The following CLCN7 variants were observed in gnomAD, a reference collection of about 807,000 sequenced individuals.
CLCN7 encodes H(+)/Cl(-) exchange transporter 7.
In CLCN7, 60 loss-of-function variants were observed where a neutral mutation model predicts 102.1. That is an observed-to-expected ratio of 0.59 (90% CI 0.48 to 0.73). The LOEUF (loss-of-function observed/expected upper bound fraction) is 0.73. Among genes scored for constraint, CLCN7 ranks in the 30% least tolerant of loss-of-function variants. The pLI is 0.00. For missense variants in CLCN7, 962 were observed against 1,125.7 expected, an observed-to-expected ratio of 0.85 and a Z score of 2.08; for synonymous variants, 560 against 490.5, an observed-to-expected ratio of 1.14 and a Z score of -1.87.
At chr16:1,453,607 C>T (rs544948418) in intron 14 of CLCN7, among the ~76,000 whole-genome samples, 1 of 152,340 alleles carries the variant, frequency 6.6e-6, no homozygotes, top group South Asian at 2.1e-4. Context: ...AGGGGCCGTC[C>T]TCCAGGAGCC....
At position 1,452,810 on chromosome 16, in the gene CLCN7, T is replaced by C; in HGVS notation, c.1298A>G (p.Tyr433Cys). The change falls in exon 15 of 25, where the codon TAC (tyrosine) becomes TGC (cysteine). Residue 433 changes from tyrosine (Y) to cysteine (C), a missense_variant. Tyr to Cys is a radical substitution (Grantham distance 194). Coordinates refer to ENST00000382745, the MANE Select transcript of CLCN7 (RefSeq NM_001287.6). Reference protein sequence around the residue: ...VTATVAFVLIYSSRDCQPLQG... With the variant: ...VTATVAFVLICSSRDCQPLQG... Reference sequence around the variant, plus strand: ...CAGGGGCTGGCAATCCCGCGACGAGTAGATCAGCACGAAGGCAACTGTGGC... The same window carrying C: ...CAGGGGCTGGCAATCCCGCGACGAGCAGATCAGCACGAAGGCAACTGTGGC... 6.2e-7 allele frequency: 1 copy of C among 1,605,272 alleles called. No homozygotes were observed. The highest frequency in any genetic ancestry group is 8.5e-7 in the Non-Finnish European group (1 of 1,176,544).
chr16:1,450,550 C>A lies in CLCN7; in HGVS notation c.1564G>T (p.Ala522Ser). The A allele has an allele frequency of 1.2e-6, 2 of 1,611,484 alleles. No individual in the cohort carries two copies. Among genetic ancestry groups the A allele is most frequent in the Non-Finnish European group, 1.7e-6 (2 of 1,179,440 alleles). ...ATCCCAAAGAGCCGGCCCCAGGCAG[C>A]CCCGATGAGCAGGGACGGGATGAAG... ...GVFIPSLLIG[A>S]AWGRLFGISL... The change falls in exon 17 of 25, where the codon GCT becomes TCT. Residue 522 changes from alanine to serine, a missense_variant. Transcript: ENST00000382745.
chr16:1,453,688 G>A (rs904402256), intron 14 of CLCN7, 146 bp downstream of exon 14: 33 of 804,362 alleles, frequency 4.1e-5, no homozygotes, highest in Admixed American at 2.4e-4. Context: ...CAGCTCCACC[G>A]GGGAAACCAT....
intron 12 of CLCN7, among the ~76,000 whole-genome samples, chr16:1,454,802 C>T (rs1158600300): frequency 6.6e-6 from 1 of 152,216 alleles, no homozygotes; most frequent in Non-Finnish European, 1.5e-5. Context: ...GTCTCCCCAG[C>T]CCAGGCCCCA....
At position 1,453,899 on chromosome 16, in the gene CLCN7, G is replaced by A. The variant is rs367726331; in HGVS notation, c.1154-5C>T. On this transcript the variant is annotated splice_region_variant and splice_polypyrimidine_tract_variant and intron_variant, in intron 13 of 24. Transcript: ENST00000382745. ...ACACTGCTCCAAGCACACCGCCTGC[G>A]AACAGGGGAAAGGCCAGTCAGCGAC... The A allele has an allele frequency of 2.3e-5, 37 of 1,612,928 alleles. No individual in the cohort carries two copies. Among genetic ancestry groups the A allele is most frequent in the African/African-American group, 1.2e-4 (9 of 74,936 alleles).
chr16:1,473,416 C>T (rs2039105641), intron 1 of CLCN7, among the ~76,000 whole-genome samples: 1 of 143,204 alleles, frequency 7.0e-6, no homozygotes, highest in Non-Finnish European at 1.5e-5. Flanking sequence ...TCGCTCTGCC[C>T]AGGCTGGAGT....
chr16:1,453,157 G>A (rs899869255), intron 14 of CLCN7, among the ~76,000 whole-genome samples: 1 of 152,098 alleles, frequency 6.6e-6, no homozygotes, highest in African/African-American at 2.4e-5. Context: ...ACAGGCGCCC[G>A]GCTCTACATC....
chr16:1,455,350 C>T, intron 11 of CLCN7, 100 bp from the exon 12 acceptor site: 1 of 857,942 alleles, frequency 1.2e-6, no homozygotes. Context: ...AGCCCCGGGG[C>T]CAGGAGTCTG....
At chr16:1,474,627 G>C (rs991025742) in intron 1 of CLCN7, among the ~76,000 whole-genome samples, 1 of 152,080 alleles carries the variant, frequency 6.6e-6, no homozygotes, top group Non-Finnish European at 1.5e-5. Flanking sequence ...CGGCCACCGA[G>C]CCCGGCGCGG....
At chr16:1,454,768 G>C (rs2038807781) in intron 12 of CLCN7, among the ~76,000 whole-genome samples, 1 of 152,196 alleles carries the variant, frequency 6.6e-6, no homozygotes. Flanking sequence ...TGCGCACAGA[G>C]CCGCCCTATC....
intron 17 of CLCN7, chr16:1,449,671 C>G: frequency 2.8e-6 from 1 of 356,386 alleles, no homozygotes; most frequent in Non-Finnish European, 5.2e-6. Flanking sequence ...CCGGGAACAT[C>G]AGGCTGGGCC....
At chr16:1,448,605 A>C (rs1255704224) in intron 20 of CLCN7, 76 bp downstream of exon 20, 8 of 1,602,438 alleles carry the variant, frequency 5.0e-6, no homozygotes, top group African/African-American at 1.3e-5. Context: ...GGAGCCCGCA[A>C]GCCGTGCACC....
At chr16:1,468,619 AG>A (rs2039036122) in intron 1 of CLCN7, among the ~76,000 whole-genome samples, 3 of 152,204 alleles carry the variant, frequency 2.0e-5, no homozygotes, top group Admixed American at 2.0e-4. Flanking sequence ...AGACAGGCTC[AG>A]GAACACGTGA....
intron 1 of CLCN7, chr16:1,474,448 A>G (rs941454760): frequency 3.8e-5 from 13 of 341,124 alleles, no homozygotes; most frequent in Non-Finnish European, 6.8e-5. Flanking sequence ...TTGCTCGTGT[A>G]GGATGACAAT....
At chr16:1,473,808 G>A (rs1416172432) in intron 1 of CLCN7, among the ~76,000 whole-genome samples, 3 of 152,258 alleles carry the variant, frequency 2.0e-5, no homozygotes, top group East Asian at 1.9e-4. Flanking sequence ...ATACGGCCAG[G>A]CGCAGTGGCT....
In CLCN7 at chr16:1,460,478, C is replaced by T. The variant is rs376635761; in HGVS notation, c.534G>A (p.Leu178=). The T allele has an allele frequency of 1.2e-6, 2 of 1,613,874 alleles. No homozygotes were observed. The highest frequency in any genetic ancestry group is 1.7e-6 in the Non-Finnish European group (2 of 1,179,996). The stretch of plus-strand genomic sequence containing the variant: ...CGAAGGCGGCGTTCAGCGTGGCCCA[C>T]AGCAACAGGGAGAAGGACAGTCCGC... ...EKGGLSFSLL[L]WATLNAAFVL... is the part of the protein sequence containing the mutation. Residue 178 remains leucine (L), a synonymous_variant, in exon 6 of 25, where the codon CTG becomes CTA. Coordinates refer to ENST00000382745, the MANE Select transcript of CLCN7 (RefSeq NM_001287.6).
intron 11 of CLCN7, 79 bp from the exon 12 acceptor site, chr16:1,455,329 C>T (rs2038817714): frequency 1.1e-6 from 1 of 940,558 alleles, no homozygotes; most frequent in Non-Finnish European, 1.8e-6. Flanking sequence ...GGGACCATCG[C>T]CCCTCCTGTC....
At chr16:1,474,357 A>C in intron 1 of CLCN7, 1 of 365,320 alleles carries the variant, frequency 2.7e-6, no homozygotes, top group Non-Finnish European at 5.5e-6. Context: ...GCGCTCAGTC[A>C]TTCTCACTGA....
chr16:1,447,857 A>C, intron 21 of CLCN7, 143 bp from the exon 22 acceptor site: 1 of 891,584 alleles, frequency 1.1e-6, no homozygotes, highest in Non-Finnish European at 1.8e-6. Flanking sequence ...ACCTGCTCAC[A>C]CCAGCCTCGC....
Sources: gnomAD v4.1 joint callset for allele counts (sites outside exome capture counted in the v4.1 genomes callset) on GRCh38, gnomAD v4.1.1 for gene constraint, MANE v1.5 for transcripts, NCBI Gene and HGNC (gene_info 2026-07-23, HGNC 2026-07-21) for gene names.